Variants in CYP19A1 observed in about 807,000 individuals in gnomAD.
CYP19A1 encodes the protein cytochrome P450 family 19 subfamily A member 1.
A neutral mutation model predicts 44.4 loss-of-function variants in CYP19A1; 32 were observed. The observed-to-expected ratio is 0.72, with a 90% CI of 0.54 to 0.97. The LOEUF is 0.97. Ranked by LOEUF, CYP19A1 falls within the 50% of genes least tolerant of loss-of-function variation. The pLI, the probability that CYP19A1 is intolerant of heterozygous loss-of-function variation, is 0.00. For synonymous variants in CYP19A1, 212 were observed against 215.6 expected, an observed-to-expected ratio of 0.98 and a Z score of 0.14; for missense variants, 598 against 637.8, an observed-to-expected ratio of 0.94 and a Z score of 0.67.
At chr15:51,328,215 A>C (rs1021630302) in intron 1 of CYP19A1, among the ~76,000 whole-genome samples, 1 of 152,248 alleles carries the variant, frequency 6.6e-6, no homozygotes, top group African/African-American at 2.4e-5. Context: ...TGAAAAATTC[A>C]GTGTATTTTA....
chr15:51,241,817 C>G (rs1223684799), intron 2 of CYP19A1, among the ~76,000 whole-genome samples: 1 of 152,184 alleles, frequency 6.6e-6, no homozygotes. Flanking sequence ...AGGCAATTAT[C>G]TGGAATGTTA....
chr15:51,272,677 A>C (rs2035169728), intron 1 of CYP19A1, among the ~76,000 whole-genome samples: 1 of 152,204 alleles, frequency 6.6e-6, no homozygotes, highest in South Asian at 2.1e-4. Flanking sequence ...GCTCCTCTAC[A>C]GCAGGGTAGT....
Position 51,212,481 on chromosome 15 carries a change from G to C in CYP19A1, c.1102C>G (p.Pro368Ala). 1 of 1,600,674 alleles carries C rather than the reference G, an allele frequency of 6.2e-7. No homozygotes were observed. Among genetic ancestry groups the C allele is most frequent in the South Asian group, 1.1e-5 (1 of 90,800 alleles). ...NFIYESMRYQPVVDLVMRKAL... is the reference protein window; with the variant it reads ...NFIYESMRYQAVVDLVMRKAL... ...TTGCGCATGACCAAGTCCACGACAG[G>C]CTGGTACCGCATGCTCTCATAAATG... Residue 368 changes from proline to alanine, a missense_variant, in exon 9 of 10, where the codon CCT becomes GCT. Coordinates refer to ENST00000396402, the MANE Select transcript of CYP19A1 (RefSeq NM_000103.4).
chr15:51,294,630 T>TGG (rs1163255076), intron 1 of CYP19A1, among the ~76,000 whole-genome samples: 6 of 104,104 alleles, frequency 5.8e-5, no homozygotes, highest in African/African-American at 9.1e-5. Flanking sequence ...GGGAGGGAGG[T>TGG]GGGGGGGTCA....
intron 1 of CYP19A1, among the ~76,000 whole-genome samples, chr15:51,281,246 C>G (rs2035507335): frequency 6.6e-6 from 1 of 152,230 alleles, no homozygotes. Flanking sequence ...GACCACAACT[C>G]TATTCTGTTT....
intron 1 of CYP19A1, among the ~76,000 whole-genome samples, chr15:51,303,483 A>G (rs2036155595): frequency 6.6e-6 from 1 of 152,250 alleles, no homozygotes; most frequent in Middle Eastern, 3.4e-3. Context: ...CAACATAAAC[A>G]TGTGAAAATA....
At chr15:51,251,648 A>G (rs557823641) in intron 1 of CYP19A1, among the ~76,000 whole-genome samples, 17 of 152,356 alleles carry the variant, frequency 1.1e-4, no homozygotes, top group South Asian at 4.1e-4. Flanking sequence ...TGATACATTC[A>G]CATATCCTCA....
At chr15:51,223,553 C>CCTCT (rs138333568) in intron 4 of CYP19A1, among the ~76,000 whole-genome samples, 3 of 136,922 alleles carry the variant, frequency 2.2e-5, no homozygotes, top group East Asian at 4.6e-4. Context: ...AGAAGACTAT[C>CCTCT]CTCTCTCTCT....
intron 3 of CYP19A1, among the ~76,000 whole-genome samples, chr15:51,236,323 G>A (rs1047348859): frequency 6.6e-6 from 1 of 152,128 alleles, no homozygotes. Flanking sequence ...CAGTTGCTTG[G>A]CAGGAGAATA....
At chr15:51,268,041 C>T (rs923368661) in intron 1 of CYP19A1, among the ~76,000 whole-genome samples, 6 of 152,236 alleles carry the variant, frequency 3.9e-5, no homozygotes, top group Non-Finnish European at 2.9e-5. Flanking sequence ...CGTGTCAAAT[C>T]TTTTTACTGT....
chr15:51,266,419 T>A (rs527448664), intron 1 of CYP19A1, among the ~76,000 whole-genome samples: 1 of 152,278 alleles, frequency 6.6e-6, no homozygotes, highest in South Asian at 2.1e-4. Context: ...TCGTCCTGCC[T>A]ATGGAAGGAG....
At chr15:51,334,731 G>T (rs1192669125) in intron 1 of CYP19A1, among the ~76,000 whole-genome samples, 2 of 152,242 alleles carry the variant, frequency 1.3e-5, no homozygotes, top group Non-Finnish European at 2.9e-5. Context: ...AGATTCAGGT[G>T]GTTGATGTGG....
At chr15:51,329,615 T>A (rs577263090) in intron 1 of CYP19A1, among the ~76,000 whole-genome samples, 1 of 152,318 alleles carries the variant, frequency 6.6e-6, no homozygotes, top group East Asian at 1.9e-4. Flanking sequence ...TGGAGAACCA[T>A]CTGTCAGTGG....
rs747493363 is a variant in CYP19A1, at chr15:51,222,530, A to G, written c.452-5T>C. 1 of 1,612,112 alleles carries G rather than the reference A, an allele frequency of 6.2e-7. No homozygotes were observed. Among genetic ancestry groups the G allele is most frequent in the Non-Finnish European group, 8.5e-7 (1 of 1,178,612 alleles). ...CAAGGCCGGGGCCTGACAGAGCTGCAGAGTACACATCAGAGAATCAGCCAT... is the reference window on the plus strand; with the variant it reads ...CAAGGCCGGGGCCTGACAGAGCTGCGGAGTACACATCAGAGAATCAGCCAT... On this transcript the variant is annotated splice_region_variant and splice_polypyrimidine_tract_variant and intron_variant, in intron 4 of 9. Transcript: ENST00000396402.
intron 3 of CYP19A1, among the ~76,000 whole-genome samples, chr15:51,230,592 C>T (rs2032946906): frequency 1.3e-5 from 2 of 149,498 alleles, no homozygotes; most frequent in South Asian, 4.2e-4. Flanking sequence ...GATGAGGAGG[C>T]AATTAATGGA....
At chr15:51,268,528 C>G (rs928278580) in intron 1 of CYP19A1, among the ~76,000 whole-genome samples, 3 of 128,608 alleles carry the variant, frequency 2.3e-5, no homozygotes, top group Admixed American at 1.5e-4. Context: ...TTCCCCCCCC[C>G]CCTTTTTTTT....
chr15:51,331,265 C>T (rs990502963), intron 1 of CYP19A1, among the ~76,000 whole-genome samples: 21 of 152,166 alleles, frequency 1.4e-4, no homozygotes, highest in Non-Finnish European at 2.5e-4. Flanking sequence ...ACTGAACACC[C>T]GAGGCCTTCC....
At position 51,218,544 on chromosome 15, in the gene CYP19A1, G is replaced by T; in HGVS notation, c.740C>A (p.Ser247Tyr). The T allele has an allele frequency of 1.2e-6, 2 of 1,612,548 alleles. No homozygotes were observed. Among genetic ancestry groups the T allele is most frequent in the Non-Finnish European group, 8.5e-7 (1 of 1,179,268 alleles). Reference protein sequence around the residue: ...ISWLYKKYEKSVKDLKDAIEV... With the variant: ...ISWLYKKYEKYVKDLKDAIEV... ...CTTCCAAAGTTGTATTACTTACACA[G>T]ACTTCTCATACTTTTTGTATAGCCA... is the stretch of plus-strand genomic sequence containing the variant. Residue 247 changes from serine to tyrosine, a missense_variant, in exon 6 of 10, where the codon TCT becomes TAT. Ser to Tyr is a moderately radical substitution (Grantham distance 144, BLOSUM62 -2). Coordinates refer to ENST00000396402, the MANE Select transcript of CYP19A1 (RefSeq NM_000103.4).
At chr15:51,333,757 C>T (rs2036736769) in intron 1 of CYP19A1, among the ~76,000 whole-genome samples, 1 of 152,130 alleles carries the variant, frequency 6.6e-6, no homozygotes, top group South Asian at 2.1e-4. Flanking sequence ...CCAGGCTCAG[C>T]AGATGGGGTG....
Sources: allele counts gnomAD v4.1 joint callset (sites outside exome capture counted in the v4.1 genomes callset), GRCh38; gene constraint gnomAD v4.1.1; transcripts MANE v1.5; gene names NCBI Gene and HGNC (gene_info 2026-07-23, HGNC 2026-07-21).